Variants in PARD3 observed in about 807,000 individuals in gnomAD.
PARD3 encodes the protein par-3 family cell polarity regulator, also known as partitioning defective 3 homolog.
In PARD3, 75 loss-of-function variants were observed where a neutral mutation model predicts 155.4. The observed-to-expected ratio is 0.48, with a 90% CI of 0.40 to 0.58. The LOEUF (loss-of-function observed/expected upper bound fraction) is 0.58, where lower values mean the gene tolerates loss of function less well. PARD3 is among the 20% of genes least tolerant of loss of function. The pLI, the probability that PARD3 is intolerant of heterozygous loss-of-function variation, is 0.00. For synonymous variants in PARD3, 576 were observed against 610.5 expected (o/e 0.94, Z 0.83); for missense variants, 1,642 against 1,721.7 (o/e 0.95, Z 0.82).
At chr10:34,416,023 G>C (rs965203837) in intron 5 of PARD3, among the ~76,000 whole-genome samples, 1 of 152,106 alleles carries the variant, frequency 6.6e-6, no homozygotes, top group Admixed American at 6.6e-5. Context: ...TCCTATTCTA[G>C]GAATAGAGAA....
At chr10:34,219,609 A>AT in intron 22 of PARD3, among the ~76,000 whole-genome samples, 1 of 152,290 alleles carries the variant, frequency 6.6e-6, no homozygotes, top group South Asian at 2.1e-4. Flanking sequence ...GCCTCCTGAG[A>AT]TGTAAAATTT....
chr10:34,695,093 G>C (rs943924676), intron 2 of PARD3, among the ~76,000 whole-genome samples: 8 of 152,072 alleles, frequency 5.3e-5, no homozygotes, highest in African/African-American at 7.2e-5. Flanking sequence ...GGAGACAGTC[G>C]ACCAGGCCGC....
intron 22 of PARD3, among the ~76,000 whole-genome samples, chr10:34,160,224 G>T (rs1461197731): frequency 2.0e-5 from 3 of 152,210 alleles, no homozygotes; most frequent in Non-Finnish European, 2.9e-5. Context: ...TGTTAAGAAG[G>T]CAGGGAATCA....
rs1316898300 is a variant in PARD3, at chr10:34,317,501, T to C, written c.2834-163A>G. On this transcript the variant is annotated intron_variant, in intron 19 of 24. Coordinates refer to ENST00000374788, the MANE Select transcript of PARD3 (RefSeq NM_001184785.2). ...TGTTTAACTTTGAGTAGAATTAAAA[T>C]GGAACATGTGATGTGGATGCCTCCT... 2.6e-5 allele frequency among the ~76,000 whole-genome samples: 4 copies of C among 152,188 alleles called. No homozygotes were observed. The East Asian group carries it at 7.7e-4, about 29-fold the overall frequency.
chr10:34,135,200 G>A (rs1193534734), intron 22 of PARD3, among the ~76,000 whole-genome samples: 1 of 152,210 alleles, frequency 6.6e-6, no homozygotes, highest in Non-Finnish European at 1.5e-5. Flanking sequence ...GGAACAGAGA[G>A]ATACTTTCTG....
At chr10:34,368,197 C>T (rs1840174240) in intron 12 of PARD3, among the ~76,000 whole-genome samples, 2 of 152,058 alleles carry the variant, frequency 1.3e-5, no homozygotes, top group Admixed American at 1.3e-4. Flanking sequence ...TCCAGTGAGC[C>T]GACATCAGTG....
chr10:34,572,003 G>C (rs758624417), intron 2 of PARD3, among the ~76,000 whole-genome samples: 9 of 151,986 alleles, frequency 5.9e-5, no homozygotes, highest in Non-Finnish European at 1.3e-4. Flanking sequence ...CAAGCAACTA[G>C]AATTTCTACA....
intron 2 of PARD3, among the ~76,000 whole-genome samples, chr10:34,526,275 G>A (rs1437737339): frequency 6.6e-6 from 1 of 151,894 alleles, no homozygotes; most frequent in Non-Finnish European, 1.5e-5. Context: ...AAGCAACTGG[G>A]GGTGAAATAC....
chr10:34,749,129 C>T (rs556595071), intron 1 of PARD3, among the ~76,000 whole-genome samples: 3 of 152,320 alleles, frequency 2.0e-5, no homozygotes, highest in East Asian at 1.9e-4. Context: ...TATACTTTTG[C>T]TTTTATTTTC....
chr10:34,399,545 C>T (rs1320631096), intron 6 of PARD3, 132 bp from the exon 7 acceptor site: 4 of 663,962 alleles, frequency 6.0e-6, no homozygotes, highest in Admixed American at 2.5e-5. Context: ...ACAAAAATCC[C>T]ACCAAGTGCA....
At chr10:34,665,148 T>TTA (rs2133187133) in intron 2 of PARD3, among the ~76,000 whole-genome samples, 1 of 152,222 alleles carries the variant, frequency 6.6e-6, no homozygotes, top group East Asian at 1.9e-4. Flanking sequence ...TCAAAGTTAT[T>TTA]AATAATTAAG....
intron 1 of PARD3, among the ~76,000 whole-genome samples, chr10:34,736,657 T>TATTA (rs2094920499): frequency 8.4e-6 from 1 of 119,406 alleles, no homozygotes; most frequent in Admixed American, 8.1e-5. Context: ...TTAATTAATT[T>TATTA]ATTTATTTAT....
chr10:34,515,577 G>C (rs12265089), intron 3 of PARD3, among the ~76,000 whole-genome samples: 4,589 of 152,174 alleles, frequency 0.03, 228 homozygotes, highest in African/African-American at 0.1. Context: ...TCTGTATGGC[G>C]CATTGTCCTG....
In PARD3 at chr10:34,731,095, C is replaced by T. The variant is rs78623726; in HGVS notation, c.121-34676G>A. ...TACTTGATTAAGTCATCATTATAAT[C>T]ATCTGTTGAATACGCTATGAGCAAT... is the stretch of plus-strand genomic sequence containing the variant. On this transcript the variant is annotated intron_variant, in intron 1 of 24. Transcript: ENST00000374788. 5.5e-3 allele frequency among the ~76,000 whole-genome samples: 810 copies of T among 147,210 alleles called. 3 individuals carry two copies. Among genetic ancestry groups the T allele is most frequent in the Non-Finnish European group, 8.5e-3 (567 of 66,722 alleles).
intron 1 of PARD3, among the ~76,000 whole-genome samples, chr10:34,712,797 G>A (rs1157451436): frequency 6.6e-6 from 1 of 152,018 alleles, no homozygotes; most frequent in Non-Finnish European, 1.5e-5. Flanking sequence ...TGAGGAGATG[G>A]TTGAAAAGGT....
intron 1 of PARD3, among the ~76,000 whole-genome samples, chr10:34,752,276 T>TAA (rs75199461): frequency 1.4e-5 from 2 of 142,452 alleles, no homozygotes; most frequent in African/African-American, 5.1e-5. Flanking sequence ...GCCTTTAGCT[T>TAA]AAAAAAAAAA....
At chr10:34,211,761 C>A (rs1951765995) in intron 22 of PARD3, among the ~76,000 whole-genome samples, 1 of 151,450 alleles carries the variant, frequency 6.6e-6, no homozygotes, top group African/African-American at 2.4e-5. Flanking sequence ...GCCTGGGTGA[C>A]AGAGCAAGAC....
intron 1 of PARD3, among the ~76,000 whole-genome samples, chr10:34,744,543 C>T (rs1429037478): frequency 6.6e-6 from 1 of 152,216 alleles, no homozygotes; most frequent in African/African-American, 2.4e-5. Flanking sequence ...AAACAGGCAT[C>T]GCTTACCAGC....
intron 1 of PARD3, among the ~76,000 whole-genome samples, chr10:34,748,651 C>A (rs573930741): frequency 1.6e-4 from 24 of 152,102 alleles, no homozygotes; most frequent in Admixed American, 5.2e-4. Flanking sequence ...AGCATCCCCC[C>A]CTGCTCCCAC....
Sources: allele counts gnomAD v4.1 joint callset (sites outside exome capture counted in the v4.1 genomes callset), GRCh38; gene constraint gnomAD v4.1.1; transcripts MANE v1.5; gene names NCBI Gene and HGNC (gene_info 2026-07-23, HGNC 2026-07-21).